The following HS6ST3 variants were observed in gnomAD, a reference collection of about 807,000 sequenced individuals.
HS6ST3 encodes the protein heparan-sulfate 6-O-sulfotransferase 3.
In HS6ST3, 12 loss-of-function variants were observed where a neutral mutation model predicts 36.7. The ratio of observed to expected loss-of-function variants is 0.33; its 90% CI spans 0.21 to 0.53. The LOEUF (loss-of-function observed/expected upper bound fraction) is 0.53. Among genes scored for constraint, HS6ST3 ranks in the 20% least tolerant of loss-of-function variants. HS6ST3 has a pLI of 0.95. For missense variants in HS6ST3, 584 were observed against 640.9 expected (o/e 0.91, Z 0.96); for synonymous variants, 240 against 257.5 (o/e 0.93, Z 0.65).
intron 1 of HS6ST3, among the ~76,000 whole-genome samples, chr13:96,831,874 G>T (rs1220558458): frequency 6.9e-6 from 1 of 143,894 alleles, no homozygotes; most frequent in South Asian, 2.3e-4. Context: ...AGAATCGCTT[G>T]AACCCGGGAG....
chr13:96,320,161 CT>C (rs953086481), intron 1 of HS6ST3, among the ~76,000 whole-genome samples: 4 of 152,096 alleles, frequency 2.6e-5, no homozygotes, highest in Middle Eastern at 3.4e-3. Context: ...GAATTCTCCT[CT>C]TTTTTTTGTC....
At chr13:96,460,883 A>C (rs927826625) in intron 1 of HS6ST3, among the ~76,000 whole-genome samples, 2 of 152,216 alleles carry the variant, frequency 1.3e-5, no homozygotes, top group African/African-American at 4.8e-5. Flanking sequence ...ATGTTCAAAC[A>C]ATGCATGGGA....
At chr13:96,418,851 T>C (rs997165271) in intron 1 of HS6ST3, among the ~76,000 whole-genome samples, 5 of 152,204 alleles carry the variant, frequency 3.3e-5, no homozygotes, top group African/African-American at 1.2e-4. Flanking sequence ...CACTGGGTCA[T>C]TCCACGCTTC....
intron 1 of HS6ST3, among the ~76,000 whole-genome samples, chr13:96,104,281 T>C (rs116076308): frequency 0.016 from 2,486 of 152,270 alleles, 59 homozygotes; most frequent in African/African-American, 0.057. Context: ...GCAGAATAAT[T>C]TTTGCTTCTT....
intron 1 of HS6ST3, among the ~76,000 whole-genome samples, chr13:96,169,076 A>G (rs1264582990): frequency 2.0e-5 from 3 of 152,122 alleles, no homozygotes; most frequent in Non-Finnish European, 4.4e-5. Context: ...TCCTCTCATG[A>G]TTATTTCTGG....
intron 1 of HS6ST3, among the ~76,000 whole-genome samples, chr13:96,436,969 T>G (rs1472406704): frequency 6.6e-6 from 1 of 152,114 alleles, no homozygotes; most frequent in Non-Finnish European, 1.5e-5. Context: ...GGCCTCCATT[T>G]TTTTTTTCTA....
At position 96,147,929 on chromosome 13, in the gene HS6ST3, G is replaced by A. The variant is rs982956326; in HGVS notation, c.707+56360G>A. ...ATGTGTTATTGCTTGTTTTTGAACT[G>A]TGTGGTCGTAGGAGGTGCTCTGGAC... On this transcript the variant is annotated intron_variant, in intron 1 of 1. Coordinates refer to ENST00000376705, the MANE Select transcript of HS6ST3 (RefSeq NM_153456.4). Among the ~76,000 whole-genome samples, 4 of 152,202 alleles carry A rather than the reference G, an allele frequency of 2.6e-5. No individual in the cohort carries two copies. The South Asian group carries it at 6.2e-4, about 24-fold the overall frequency.
chr13:96,090,698 G>A lies in HS6ST3; in HGVS notation c.-165G>A, dbSNP rs1348792193. ...CGCAGGCCCCGGCTCCTCAAGCCCC[G>A]AGGGCCGCGGGGCCGCCAGCCAGCC... On this transcript the variant is annotated 5_prime_UTR_variant, in exon 1 of 2. Coordinates refer to ENST00000376705, the MANE Select transcript of HS6ST3 (RefSeq NM_153456.4). The A allele has an allele frequency of 9.6e-6, 3 of 313,228 alleles. No individual in the cohort carries two copies. The highest frequency in any genetic ancestry group is 1.5e-5 in the Non-Finnish European group (3 of 194,556). The allele number at this position is 313,228 out of a possible 1,614,324, so 19.4% of individuals were successfully genotyped here.
chr13:96,331,980 A>G (rs1470101516), intron 1 of HS6ST3, among the ~76,000 whole-genome samples: 1 of 152,188 alleles, frequency 6.6e-6, no homozygotes, highest in Non-Finnish European at 1.5e-5. Flanking sequence ...TTGACTCGGA[A>G]AGGGAACTCC....
chr13:96,506,662 A>G (rs940251436), intron 1 of HS6ST3, among the ~76,000 whole-genome samples: 1 of 152,170 alleles, frequency 6.6e-6, no homozygotes, highest in Admixed American at 6.6e-5. Context: ...AACTGATTAC[A>G]TTGGTATAGT....
chr13:96,404,548 A>T lies in HS6ST3; in HGVS notation c.707+312979A>T, dbSNP rs189266727. On this transcript the variant is annotated intron_variant, in intron 1 of 1. Transcript: ENST00000376705. ...AGGGAAAAATGTTAGAGTGAGAGTCATGGCAGGAGAGGAATAGAAGACATT... is the reference window on the plus strand; with the variant it reads ...AGGGAAAAATGTTAGAGTGAGAGTCTTGGCAGGAGAGGAATAGAAGACATT... 1.4e-4 allele frequency among the ~76,000 whole-genome samples: 22 copies of T among 152,326 alleles called. No individual in the cohort carries two copies. The East Asian group carries it at 3.7e-3, about 25-fold the overall frequency.
At chr13:96,532,451 G>C (rs1260236765) in intron 1 of HS6ST3, among the ~76,000 whole-genome samples, 1 of 152,120 alleles carries the variant, frequency 6.6e-6, no homozygotes, top group Non-Finnish European at 1.5e-5. Flanking sequence ...GGGTTTTATC[G>C]GGAAAAGTAT....
chr13:96,260,166 G>C (rs574248714), intron 1 of HS6ST3, among the ~76,000 whole-genome samples: 16 of 151,968 alleles, frequency 1.1e-4, no homozygotes, highest in South Asian at 6.3e-4. Context: ...TCACTACTTT[G>C]CAAGGATCCT....
At chr13:96,369,212 G>A (rs1026404669) in intron 1 of HS6ST3, among the ~76,000 whole-genome samples, 11 of 152,002 alleles carry the variant, frequency 7.2e-5, no homozygotes, top group African/African-American at 2.4e-4. Context: ...GTGGGGTCAC[G>A]CCCTCTTGCA....
chr13:96,738,507 A>C (rs1876345550), intron 1 of HS6ST3, among the ~76,000 whole-genome samples: 1 of 152,210 alleles, frequency 6.6e-6, no homozygotes, highest in Admixed American at 6.5e-5. Context: ...GAACTTTTTA[A>C]AAATTTTTAA....
chr13:96,188,403 C>T (rs1478504942), intron 1 of HS6ST3, among the ~76,000 whole-genome samples: 1 of 151,634 alleles, frequency 6.6e-6, no homozygotes, highest in African/African-American at 2.4e-5. Flanking sequence ...TCTCTTGAGG[C>T]CAGGAGTTCA....
At chr13:96,808,244 A>C (rs888767049) in intron 1 of HS6ST3, among the ~76,000 whole-genome samples, 19 of 152,196 alleles carry the variant, frequency 1.2e-4, no homozygotes, top group Non-Finnish European at 2.8e-4. Context: ...CTGTTCACCA[A>C]TATTTTTTGT....
chr13:96,578,726 A>AT (rs1201505093), intron 1 of HS6ST3, among the ~76,000 whole-genome samples: 3 of 151,966 alleles, frequency 2.0e-5, no homozygotes, highest in East Asian at 3.9e-4. Context: ...TGCCTGGCTA[A>AT]TTTTTTTGTT....
chr13:96,231,553 C>A (rs58688275), intron 1 of HS6ST3, among the ~76,000 whole-genome samples: 1 of 152,012 alleles, frequency 6.6e-6, no homozygotes, highest in East Asian at 1.9e-4. Flanking sequence ...ACAACCAGAT[C>A]TCATGATAAC....
Sources: gnomAD v4.1 joint callset for allele counts (sites outside exome capture counted in the v4.1 genomes callset) on GRCh38, gnomAD v4.1.1 for gene constraint, MANE v1.5 for transcripts, NCBI Gene and HGNC (gene_info 2026-07-23, HGNC 2026-07-21) for gene names.